RSPO1: variants seen among roughly 807,000 people sequenced by gnomAD.
The protein encoded by RSPO1 is R-spondin 1.
A neutral mutation model predicts 26.0 loss-of-function variants in RSPO1; 18 were observed. The ratio of observed to expected loss-of-function variants is 0.69; its 90% confidence interval spans 0.48 to 1.03. The LOEUF (loss-of-function observed/expected upper bound fraction) is 1.03. RSPO1 is among the 50% of genes least tolerant of loss of function. The pLI is 0.00. For missense variants in RSPO1, 309 were observed against 352.3 expected (o/e 0.88, Z 0.98); for synonymous variants, 133 against 137.4 (o/e 0.97, Z 0.22).
At chr1:37,614,768 G>A (rs1338245873) in intron 4 of RSPO1, among the ~76,000 whole-genome samples, 1 of 152,234 alleles carries the variant, frequency 6.6e-6, no homozygotes, top group Non-Finnish European at 1.5e-5. Context: ...CCCCCAGAGA[G>A]TGGCTGCATG....
At chr1:37,631,949 T>C (rs1357221582) in intron 2 of RSPO1, 2 of 152,254 alleles carry the variant, frequency 1.3e-5, no homozygotes, top group African/African-American at 2.4e-5. Flanking sequence ...TTGCCTTTAA[T>C]TGCAGCATTT....
intron 2 of RSPO1, among the ~76,000 whole-genome samples, chr1:37,631,014 G>C (rs1315205261): frequency 1.2e-4 from 17 of 142,646 alleles, no homozygotes; most frequent in Admixed American, 2.8e-4. Context: ...TCACAGGCTA[G>C]CTGAGAGTCA....
rs749070990 is a variant in RSPO1, at chr1:37,629,570, C to T, written c.92G>A (p.Arg31Gln). 1.7e-5 allele frequency: 27 copies of T among 1,613,946 alleles called. No individual in the cohort carries two copies. Among genetic ancestry groups the T allele is most frequent in the East Asian group, 1.1e-4 (5 of 44,870 alleles). The stretch of plus-strand genomic sequence containing the variant: ...GCCCACCATGCTCCATTACTCACTC[C>T]GCCTCTGCCTTTTCCCCTTGATCCC... ...SRGIKGKRQR[R>Q]ISAEGSQACA... The change falls in exon 3 of 7, where the codon CGG becomes CAG. Residue 31 changes from arginine to glutamine, a missense_variant and splice_region_variant. Physicochemically the swap from Arg to Gln is conservative, Grantham distance 43 (BLOSUM62 1). Coordinates refer to ENST00000356545, the MANE Select transcript of RSPO1 (RefSeq NM_001242908.2).
At chr1:37,621,754 C>T (rs754613715) in intron 3 of RSPO1, among the ~76,000 whole-genome samples, 3 of 151,544 alleles carry the variant, frequency 2.0e-5, no homozygotes, top group Admixed American at 6.6e-5. Context: ...GAGATTGAGA[C>T]GCTGAGTTCT....
Position 37,611,413 on chromosome 1 carries a change from A to G in RSPO1, c.*1342T>C, listed in dbSNP as rs574228945. The G allele has an allele frequency of 2.0e-5, 3 of 152,216 alleles. No homozygotes were observed. The highest frequency in any genetic ancestry group is 4.8e-5 in the African/African-American group (2 of 41,438). The allele number at this position is 152,216 out of a possible 1,614,324, so 9.4% of individuals were successfully genotyped here. A position where few individuals can be genotyped will look rare whatever the true frequency, so the allele number is the denominator to read the frequency against. Reference sequence around the variant, plus strand: ...ACTTTCATAGCTAAGCATAGATGCCAGTGGTCACCTGCCCTTGGCACCATC... The same window carrying G: ...ACTTTCATAGCTAAGCATAGATGCCGGTGGTCACCTGCCCTTGGCACCATC... On this transcript the variant is annotated 3_prime_UTR_variant, in exon 7 of 7. Coordinates refer to ENST00000356545, the MANE Select transcript of RSPO1 (RefSeq NM_001242908.2).
At chr1:37,633,002 C>T (rs1644381591) in intron 1 of RSPO1, among the ~76,000 whole-genome samples, 2 of 152,170 alleles carry the variant, frequency 1.3e-5, no homozygotes, top group Non-Finnish European at 2.9e-5. Flanking sequence ...GCTGGCAGTG[C>T]CTCAGGTTAT....
chr1:37,634,068 C>T lies in RSPO1; in HGVS notation c.-356+498G>A, dbSNP rs1644401075. Among the ~76,000 whole-genome samples the T allele has an allele frequency of 6.6e-6, 1 of 152,200 alleles. No homozygotes were observed. Among genetic ancestry groups the T allele is most frequent in the Non-Finnish European group, 1.5e-5 (1 of 68,038 alleles). ...ATACCATCGGTTCCTGAGCGCCAGACCCCGAGGGCCAGGGAGCCGCGCCAC... is the reference window on the plus strand; with the variant it reads ...ATACCATCGGTTCCTGAGCGCCAGATCCCGAGGGCCAGGGAGCCGCGCCAC... On this transcript the variant is annotated intron_variant, in intron 1 of 6. Coordinates refer to ENST00000356545, the MANE Select transcript of RSPO1 (RefSeq NM_001242908.2). This position sits in a 1 kb window ranked among gnomAD's most constrained non-coding sequence, Gnocchi z 4.7.
chr1:37,616,127 G>A (rs1644107311), intron 4 of RSPO1, among the ~76,000 whole-genome samples: 1 of 152,142 alleles, frequency 6.6e-6, no homozygotes, highest in African/African-American at 2.4e-5. Context: ...GCAAGGTGCT[G>A]GGAGCCTGGG....
intron 3 of RSPO1, among the ~76,000 whole-genome samples, chr1:37,619,130 G>A (rs1644161936): frequency 6.6e-6 from 1 of 152,234 alleles, no homozygotes; most frequent in African/African-American, 2.4e-5. Flanking sequence ...GGCTGAGGCA[G>A]GAGAATCACT....
At chr1:37,616,985 T>G (rs1180157901) in intron 3 of RSPO1, among the ~76,000 whole-genome samples, 1 of 152,158 alleles carries the variant, frequency 6.6e-6, no homozygotes, top group Non-Finnish European at 1.5e-5. Flanking sequence ...CTTCCTGGAA[T>G]TTATCCACTC....
Position 37,616,472 on chromosome 1 carries a change from G to A in RSPO1, c.286+12C>T. ...AATGCCCCCTGCCCCCGACAGCCCT[G>A]CCCACACTCACTGATGCACTTGTTC... is the stretch of plus-strand genomic sequence containing the variant. On this transcript the variant is annotated intron_variant, in intron 4 of 6. Coordinates refer to ENST00000356545, the MANE Select transcript of RSPO1 (RefSeq NM_001242908.2). The A allele has an allele frequency of 6.2e-7, 1 of 1,613,508 alleles. No individual in the cohort carries two copies. The highest frequency in any genetic ancestry group is 8.5e-7 in the Non-Finnish European group (1 of 1,179,574).
chr1:37,630,215 G>A (rs974100172), intron 2 of RSPO1, among the ~76,000 whole-genome samples: 1 of 152,216 alleles, frequency 6.6e-6, no homozygotes, highest in African/African-American at 2.4e-5. Flanking sequence ...AATAACGGGA[G>A]CCAGCTGGTC....
At chr1:37,619,509 C>T (rs1163820820) in intron 3 of RSPO1, among the ~76,000 whole-genome samples, 1 of 152,174 alleles carries the variant, frequency 6.6e-6, no homozygotes, top group Non-Finnish European at 1.5e-5. Context: ...TTCCTGGTTT[C>T]AGAACAGGAG....
Position 37,616,518 on chromosome 1 carries a change from G to C in RSPO1, c.252C>G (p.Phe84Leu). ...TGTTCATGTCGGGGTTGCGGGCGTC[G>C]AAGTATCCAGGTGGGCAGGACGGCA... ...VCLPSCPPGY[F>L]DARNPDMNKC... is the part of the protein sequence containing the mutation. The change falls in exon 4 of 7, where the codon TTC becomes TTG. Residue 84 changes from phenylalanine to leucine, a missense_variant. Physicochemically the swap from Phe to Leu is conservative, Grantham distance 22. Transcript: ENST00000356545. 1 of 1,614,160 alleles carries C rather than the reference G, an allele frequency of 6.2e-7. No homozygotes were observed. Among genetic ancestry groups the C allele is most frequent in the Non-Finnish European group, 8.5e-7 (1 of 1,180,022 alleles).
At position 37,612,904 on chromosome 1, in the gene RSPO1, C is replaced by A. The variant is rs370389098; in HGVS notation, c.643G>T (p.Gly215Ter). 3 of 1,614,002 alleles carry A rather than the reference C, an allele frequency of 1.9e-6. No homozygotes were observed. In the African/African-American group the frequency reaches 4.0e-5, roughly 22 times the overall value. ...PCPEGQKRRKGGQGRRENANR... is the reference protein window; with the variant it reads ...PCPEGQKRRK ...GCATTCTCCCGCCGGCCCTGGCCTC[C>A]CTTCCTCCTCTTCTGCCCTGAAACA... is the stretch of plus-strand genomic sequence containing the variant. The change falls in exon 7 of 7, where the codon GGA becomes TGA. Residue 215 changes from glycine (G) to a stop codon, truncating the protein, a stop_gained. Transcript: ENST00000356545. LOFTEE classifies it high-confidence loss of function.
Position 37,613,055 on chromosome 1 carries a change from A to G in RSPO1, c.626-134T>C. 1.0e-6 allele frequency: 1 copy of G among 976,426 alleles called. No individual in the cohort carries two copies. The highest frequency in any genetic ancestry group is 1.6e-6 in the Non-Finnish European group (1 of 633,474). 60.5% of individuals were successfully genotyped at this position (976,426 alleles called of 1,614,324 possible). ...GGAGGAGGCTGGAGATGCTGCCTCT[A>G]GGTAGTTGGGTCATCGTGACCTCCT... On this transcript the variant is annotated intron_variant, in intron 6 of 6. Transcript: ENST00000356545. This position sits in a 1 kb window ranked among gnomAD's most constrained non-coding sequence, Gnocchi z 4.5.
chr1:37,616,080 G>A (rs1644106430), intron 4 of RSPO1, among the ~76,000 whole-genome samples: 1 of 152,204 alleles, frequency 6.6e-6, no homozygotes, highest in African/African-American at 2.4e-5. Flanking sequence ...GATGAAGGCT[G>A]GAGGACAGAT....
Position 37,611,723 on chromosome 1 carries a change from T to C in RSPO1, c.*1032A>G, listed in dbSNP as rs1048179904. ...GTATATAGATTCTGCCTCTCCCAGA[T>C]GGAAAGTCCTCCTTTATAGCTGACC... is the stretch of plus-strand genomic sequence containing the variant. On this transcript the variant is annotated 3_prime_UTR_variant, in exon 7 of 7. Transcript: ENST00000356545. The C allele has an allele frequency of 1.9e-5, 2 of 105,280 alleles. No homozygotes were observed. Among genetic ancestry groups the C allele is most frequent in the Non-Finnish European group, 4.0e-5 (2 of 50,410 alleles). 6.5% of individuals were successfully genotyped at this position (105,280 alleles called of 1,614,324 possible).
At position 37,612,534 on chromosome 1, in the gene RSPO1, GGTGTCT is replaced by G. The variant is rs1644039753; in HGVS notation, c.*215_*220del. On this transcript the variant is annotated 3_prime_UTR_variant, in exon 7 of 7. Coordinates refer to ENST00000356545, the MANE Select transcript of RSPO1 (RefSeq NM_001242908.2). The stretch of plus-strand genomic sequence containing the variant: ...TGTGTGTGTGTGTATGTGTGTGTGT[GGTGTCT>G]GTGTCTGCGTGTGTACATGAACACA... 21 of 609,948 alleles carry G rather than the reference GGTGTCT, an allele frequency of 3.4e-5. No homozygotes were observed. The South Asian group carries it at 3.5e-4, about 10-fold the overall frequency. 37.8% of individuals were successfully genotyped at this position (609,948 alleles called of 1,614,324 possible).
Sources: gnomAD v4.1 joint callset for allele counts (sites outside exome capture counted in the v4.1 genomes callset) on GRCh38, gnomAD v4.1.1 for gene constraint, Gnocchi (gnomAD v3.1) non-coding constraint, MANE v1.5 for transcripts, NCBI Gene and HGNC (gene_info 2026-07-23, HGNC 2026-07-21) for gene names.